Variants in AK7 observed in about 807,000 individuals in gnomAD.
AK7 encodes the protein adenylate kinase 7.
AK7 carries 78 observed loss-of-function variants against 96.6 expected under a neutral mutation model. That is an observed-to-expected ratio of 0.81 (90% CI 0.67 to 0.97). The LOEUF is 0.97. AK7 is among the 50% of genes least tolerant of loss of function. The pLI is 0.00. For missense variants in AK7, 855 were observed against 887.9 expected (o/e 0.96, Z 0.47); for synonymous variants, 302 against 317.2 (o/e 0.95, Z 0.51).
At chr14:96,461,121 C>G (rs1483550260) in intron 12 of AK7, among the ~76,000 whole-genome samples, 6 of 152,222 alleles carry the variant, frequency 3.9e-5, no homozygotes, top group Non-Finnish European at 7.3e-5. Context: ...AACATTGCCT[C>G]TGCCTTCCCA....
chr14:96,402,047 A>G (rs548405471), intron 2 of AK7, among the ~76,000 whole-genome samples: 6 of 152,254 alleles, frequency 3.9e-5, no homozygotes, highest in African/African-American at 1.4e-4. Context: ...AGCCCTTCTT[A>G]TAATTTTTTC....
At chr14:96,421,228 C>A (rs59551280) in intron 5 of AK7, among the ~76,000 whole-genome samples, 14,009 of 152,158 alleles carry the variant, frequency 0.092, 721 homozygotes, top group African/African-American at 0.12. Context: ...CCACATTTTC[C>A]CTGTTCCCAG....
chr14:96,403,883 G>A (rs755802304), intron 2 of AK7, among the ~76,000 whole-genome samples: 7 of 152,114 alleles, frequency 4.6e-5, no homozygotes, highest in South Asian at 2.1e-4. Flanking sequence ...CGAGATTCAC[G>A]CCTGTAATCC....
intron 14 of AK7, among the ~76,000 whole-genome samples, chr14:96,474,619 G>T (rs763197015): frequency 5.3e-5 from 8 of 151,664 alleles, no homozygotes; most frequent in Non-Finnish European, 1.0e-4. Flanking sequence ...AGCAAGAACC[G>T]GTCTCAAAAA....
intron 5 of AK7, among the ~76,000 whole-genome samples, chr14:96,432,137 T>C (rs1184261713): frequency 2.6e-5 from 4 of 151,882 alleles, no homozygotes; most frequent in Non-Finnish European, 4.4e-5. Flanking sequence ...CAGAACTTCC[T>C]ATGCTCCGTT....
intron 12 of AK7, among the ~76,000 whole-genome samples, chr14:96,464,319 G>GGGA (rs897967530): frequency 2.0e-5 from 3 of 151,968 alleles, no homozygotes; most frequent in African/African-American, 7.3e-5. Flanking sequence ...AGGCCAAGGT[G>GGGA]GGAGGATCTC....
intron 17 of AK7, 100 bp from the exon 18 acceptor site, chr14:96,488,205 G>A: frequency 8.5e-7 from 1 of 1,177,228 alleles, no homozygotes; most frequent in Non-Finnish European, 1.2e-6. Context: ...GAGCCACCAA[G>A]CTTGGCCCAG....
chr14:96,451,248 A>C (rs1893584178), intron 9 of AK7, among the ~76,000 whole-genome samples, 173 bp from the exon 10 acceptor site: 1 of 152,182 alleles, frequency 6.6e-6, no homozygotes, highest in Non-Finnish European at 1.5e-5. Context: ...GACTGTTTAG[A>C]AGTAACGTAG....
chr14:96,423,553 C>T, intron 5 of AK7: 1 of 477,976 alleles, frequency 2.1e-6, no homozygotes, highest in Non-Finnish European at 4.0e-6. Context: ...CAGGAAAAGT[C>T]ACCCTAAGCC....
chr14:96,435,432 T>C (rs1892582794), intron 5 of AK7, among the ~76,000 whole-genome samples: 1 of 152,052 alleles, frequency 6.6e-6, no homozygotes, highest in Admixed American at 6.6e-5. Flanking sequence ...CCCCCTACTC[T>C]TCCCTCTCTG....
chr14:96,437,026 T>C (rs1291948424), intron 5 of AK7, among the ~76,000 whole-genome samples: 1 of 129,162 alleles, frequency 7.7e-6, no homozygotes, highest in Non-Finnish European at 1.5e-5. Flanking sequence ...TGAGCTTATC[T>C]GGTTAAATAT....
At chr14:96,392,711 T>C (rs528872547) in intron 1 of AK7, among the ~76,000 whole-genome samples, 1 of 152,048 alleles carries the variant, frequency 6.6e-6, no homozygotes, top group Non-Finnish European at 1.5e-5. Flanking sequence ...TCGCCCAGGC[T>C]GGAGTGCAGT....
chr14:96,409,026 A>G (rs1247931471), intron 4 of AK7, 85 bp downstream of exon 4: 5 of 1,358,664 alleles, frequency 3.7e-6, no homozygotes, highest in Non-Finnish European at 5.2e-6. Context: ...TCCTATGGCG[A>G]GTTGTGTATT....
intron 16 of AK7, among the ~76,000 whole-genome samples, chr14:96,486,199 T>G (rs554181585): frequency 6.6e-6 from 1 of 152,330 alleles, no homozygotes; most frequent in East Asian, 1.9e-4. Flanking sequence ...CTTGATATAG[T>G]GGCTCAAATG....
At chr14:96,413,823 C>T (rs1462178306) in intron 4 of AK7, among the ~76,000 whole-genome samples, 1 of 152,202 alleles carries the variant, frequency 6.6e-6, no homozygotes, top group Non-Finnish European at 1.5e-5. Flanking sequence ...TACTGGCTTC[C>T]TGTCATGATG....
chr14:96,419,378 C>T (rs1891536269), intron 4 of AK7, among the ~76,000 whole-genome samples: 1 of 152,056 alleles, frequency 6.6e-6, no homozygotes, highest in Non-Finnish European at 1.5e-5. Context: ...GCCTGTAATC[C>T]CACCATTCTG....
At chr14:96,397,736 C>T in intron 1 of AK7, among the ~76,000 whole-genome samples, 1 of 152,286 alleles carries the variant, frequency 6.6e-6, no homozygotes, top group African/African-American at 2.4e-5. Context: ...ATAAAATAAC[C>T]TATGTGGCTC....
chr14:96,397,717 AACAAT>A (rs796230268), intron 1 of AK7, among the ~76,000 whole-genome samples: 15 of 152,288 alleles, frequency 9.8e-5, no homozygotes, highest in African/African-American at 3.1e-4. Context: ...CCACATCTTT[AACAAT>A]AAAATAAAAT....
At chr14:96,425,127 T>C (rs1029897954) in intron 5 of AK7, among the ~76,000 whole-genome samples, 3 of 152,230 alleles carry the variant, frequency 2.0e-5, no homozygotes, top group Non-Finnish European at 4.4e-5. Context: ...TCAGTGATGC[T>C]AATGTTTTTA....
Sources: gnomAD v4.1 joint callset for allele counts (sites outside exome capture counted in the v4.1 genomes callset) on GRCh38, gnomAD v4.1.1 for gene constraint, MANE v1.5 for transcripts, NCBI Gene and HGNC (gene_info 2026-07-23, HGNC 2026-07-21) for gene names.